PDE11A: variants seen among roughly 807,000 people sequenced by gnomAD.
The protein encoded by PDE11A is dual 3',5'-cyclic-AMP and -GMP phosphodiesterase 11A.
A neutral mutation model predicts 100.5 loss-of-function variants in PDE11A; 100 were observed. The ratio of observed to expected loss-of-function variants is 1.00; its 90% CI spans 0.85 to 1.18. The LOEUF is 1.18. Ranked by LOEUF, PDE11A falls within the 50% of genes most tolerant of loss-of-function variation. The probability of loss-of-function intolerance (pLI) is 0.00; values close to 1 mark genes in which losing one functional copy is unlikely to be tolerated. For synonymous variants in PDE11A, 381 were observed against 420.8 expected, an observed-to-expected ratio of 0.91 and a Z score of 1.16; for missense variants, 1,141 against 1,152.6, an observed-to-expected ratio of 0.99 and a Z score of 0.15.
intron 13 of PDE11A, among the ~76,000 whole-genome samples, chr2:177,709,154 G>C (rs17400505): frequency 6.6e-6 from 1 of 152,014 alleles, no homozygotes; most frequent in African/African-American, 2.4e-5. Flanking sequence ...GCAGGAGTCC[G>C]AATGAAAAGG....
In PDE11A at chr2:177,697,407, G is replaced by A; in HGVS notation, c.2270C>T (p.Ser757Phe). 6.3e-7 allele frequency: 1 copy of A among 1,587,488 alleles called. No homozygotes were observed. The highest frequency in any genetic ancestry group is 8.7e-7 in the Non-Finnish European group (1 of 1,156,042). The change falls in exon 15 of 20, where the codon TCC becomes TTC. Residue 757 changes from serine (S) to phenylalanine (F), a missense_variant. Ser to Phe is a radical substitution (Grantham distance 155). Coordinates refer to ENST00000286063, the MANE Select transcript of PDE11A (RefSeq NM_016953.4). The part of the protein sequence containing the change: ...SEGHNIFANL[S>F]SKEYSDLMQL... The stretch of plus-strand genomic sequence containing the variant: ...CATAAGGTCACTATATTCCTTGGAG[G>A]ACAGGTTAGCAAAGATATTGTGACC...
intron 2 of PDE11A, among the ~76,000 whole-genome samples, chr2:178,006,993 G>C (rs555817790): frequency 6.6e-6 from 1 of 152,262 alleles, no homozygotes; most frequent in Non-Finnish European, 1.5e-5. Context: ...TTCTTTCAAG[G>C]CCAGGCCAAT....
chr2:178,107,722 T>C (rs2087637472), intron 1 of PDE11A, among the ~76,000 whole-genome samples: 1 of 102,542 alleles, frequency 9.8e-6, no homozygotes, highest in Non-Finnish European at 2.2e-5. Flanking sequence ...TTTTTTTTTC[T>C]TTTTTTTTTT....
chr2:177,842,989 G>A lies in PDE11A; in HGVS notation c.1368-2606C>T, dbSNP rs139731066. ...ATGAGATCACTCAGGGACAGAACAC[G>A]TAGGGAAATCTATATCTAGGGAAGG... On this transcript the variant is annotated intron_variant, in intron 5 of 19. Coordinates refer to ENST00000286063, the MANE Select transcript of PDE11A (RefSeq NM_016953.4). 2.3e-4 allele frequency among the ~76,000 whole-genome samples: 35 copies of A among 152,258 alleles called. 1 individual carries two copies. The East Asian group carries it at 5.0e-3, about 22-fold the overall frequency.
intron 9 of PDE11A, among the ~76,000 whole-genome samples, chr2:177,807,661 A>C (rs2105563913): frequency 1.3e-5 from 2 of 152,250 alleles, no homozygotes; most frequent in Admixed American, 1.3e-4. Flanking sequence ...CCTGGGCTCA[A>C]GTGATCCTCC....
intron 5 of PDE11A, among the ~76,000 whole-genome samples, chr2:177,860,211 C>T (rs2083922172): frequency 1.3e-5 from 2 of 148,360 alleles, no homozygotes. Flanking sequence ...AATCCTTTAG[C>T]TAGTTTTGCC....
At chr2:178,100,142 A>T (rs1005535232) in intron 2 of PDE11A, among the ~76,000 whole-genome samples, 1 of 152,292 alleles carries the variant, frequency 6.6e-6, no homozygotes, top group East Asian at 1.9e-4. Context: ...GAAAATGAAA[A>T]TGTTCTGGAA....
At chr2:177,916,315 T>C (rs772798534) in intron 2 of PDE11A, among the ~76,000 whole-genome samples, 1 of 152,192 alleles carries the variant, frequency 6.6e-6, no homozygotes, top group African/African-American at 2.4e-5. Context: ...AGTACTGCCA[T>C]ATATTTAAGG....
intron 2 of PDE11A, among the ~76,000 whole-genome samples, chr2:177,969,217 A>G (rs962243295): frequency 1.3e-5 from 2 of 152,168 alleles, no homozygotes; most frequent in Non-Finnish European, 1.5e-5. Flanking sequence ...GAGTTGAACA[A>G]TGAGAACACA....
At chr2:177,970,522 A>G (rs1308442384) in intron 2 of PDE11A, among the ~76,000 whole-genome samples, 1 of 151,976 alleles carries the variant, frequency 6.6e-6, no homozygotes, top group African/African-American at 2.4e-5. Context: ...ACTCAAGAGA[A>G]TGATGAAACT....
chr2:178,097,021 G>A (rs948892277), intron 2 of PDE11A, among the ~76,000 whole-genome samples: 18 of 152,172 alleles, frequency 1.2e-4, no homozygotes, highest in African/African-American at 4.1e-4. Flanking sequence ...TGAGTAGCTG[G>A]GACTATAGGC....
At position 177,817,939 on chromosome 2, in the gene PDE11A, G is replaced by A. The variant is rs781386084; in HGVS notation, c.1577-14C>T. On this transcript the variant is annotated splice_polypyrimidine_tract_variant and intron_variant, in intron 7 of 19. Coordinates refer to ENST00000286063, the MANE Select transcript of PDE11A (RefSeq NM_016953.4). Reference sequence around the variant, plus strand: ...CTTGAGCCACTCCTATGGGGAAAGAGTGGATTATGTGGTCATTTTTAGTAC... The same window carrying A: ...CTTGAGCCACTCCTATGGGGAAAGAATGGATTATGTGGTCATTTTTAGTAC... The A allele has an allele frequency of 8.1e-7, 1 of 1,228,536 alleles. No individual in the cohort carries two copies. Among genetic ancestry groups the A allele is most frequent in the South Asian group, 1.2e-5 (1 of 83,250 alleles). 76.1% of individuals were successfully genotyped at this position (1,228,536 alleles called of 1,614,324 possible). A position where few individuals can be genotyped will look rare whatever the true frequency, so the allele number is the denominator to read the frequency against.
chr2:177,796,782 G>T (rs2082713455), intron 9 of PDE11A, among the ~76,000 whole-genome samples: 1 of 152,148 alleles, frequency 6.6e-6, no homozygotes, highest in Non-Finnish European at 1.5e-5. Context: ...AGCAGGCAAA[G>T]GCATGGCTGT....
intron 1 of PDE11A, among the ~76,000 whole-genome samples, chr2:178,032,101 C>T (rs1236679496): frequency 1.3e-5 from 2 of 151,962 alleles, no homozygotes; most frequent in Non-Finnish European, 2.9e-5. Context: ...AATAAATGAC[C>T]CTAGGTCAAT....
At chr2:177,798,359 G>T (rs1469276455) in intron 9 of PDE11A, among the ~76,000 whole-genome samples, 1 of 152,124 alleles carries the variant, frequency 6.6e-6, no homozygotes, top group Non-Finnish European at 1.5e-5. Context: ...ACATGAGATT[G>T]TACTACAGCT....
intron 12 of PDE11A, among the ~76,000 whole-genome samples, chr2:177,721,928 A>G (rs777232899): frequency 2.8e-4 from 43 of 152,086 alleles, no homozygotes; most frequent in Non-Finnish European, 5.3e-4. Context: ...TATAGCTCCC[A>G]ACTTAACACC....
chr2:177,889,996 T>C (rs369283440), intron 4 of PDE11A, among the ~76,000 whole-genome samples: 6 of 152,152 alleles, frequency 3.9e-5, no homozygotes, highest in African/African-American at 1.4e-4. Context: ...GAATAATGGA[T>C]GGGGAGGGTG....
At chr2:177,711,635 G>T in intron 13 of PDE11A, 134 bp downstream of exon 13, 1 of 687,676 alleles carries the variant, frequency 1.5e-6, no homozygotes, top group South Asian at 1.6e-5. Flanking sequence ...TGGGCCCCAT[G>T]ACATGCACGC....
chr2:177,782,504 C>CT (rs552719203), intron 9 of PDE11A, among the ~76,000 whole-genome samples: 42 of 152,296 alleles, frequency 2.8e-4, no homozygotes, highest in Non-Finnish European at 3.8e-4. Context: ...ACGTGAACCC[C>CT]TAAACTCATG....
Sources: gnomAD v4.1 joint callset for allele counts (sites outside exome capture counted in the v4.1 genomes callset) on GRCh38, gnomAD v4.1.1 for gene constraint, MANE v1.5 for transcripts, NCBI Gene and HGNC (gene_info 2026-07-23, HGNC 2026-07-21) for gene names.